The following CLASP2 variants were observed in gnomAD, a reference collection of about 807,000 sequenced individuals.
The protein encoded by CLASP2 is cytoplasmic linker associated protein 2, also known as CLIP-associating protein 2.
In CLASP2, 47 loss-of-function variants were observed where a neutral mutation model predicts 194.4. The observed-to-expected ratio is 0.24, with a 90% CI of 0.19 to 0.31. The LOEUF (loss-of-function observed/expected upper bound fraction) is 0.31. Ranked by LOEUF, CLASP2 falls within the 10% of genes least tolerant of loss-of-function variation. The pLI, the probability that CLASP2 is intolerant of heterozygous loss-of-function variation, is 1.00. For missense variants in CLASP2, 1,445 were observed against 1,823.6 expected, an observed-to-expected ratio of 0.79 and a Z score of 3.78; for synonymous variants, 619 against 633.5, an observed-to-expected ratio of 0.98 and a Z score of 0.34.
At chr3:33,712,371 T>G (rs1055223419) in intron 1 of CLASP2, among the ~76,000 whole-genome samples, 1 of 151,760 alleles carries the variant, frequency 6.6e-6, no homozygotes, top group African/African-American at 2.4e-5. Context: ...TGGGAGAGGG[T>G]TGAGGGATAA....
At chr3:33,645,929 TACACACACACACACACACACAC>T (rs60196645) in intron 7 of CLASP2, among the ~76,000 whole-genome samples, 6 of 135,202 alleles carry the variant, frequency 4.4e-5, no homozygotes, top group South Asian at 2.6e-4. Context: ...TCTCCCAGCA[TACACACACACACACACACACAC>T]ACACACACAC....
chr3:33,680,462 C>T (rs141430649), intron 6 of CLASP2, among the ~76,000 whole-genome samples: 85 of 152,274 alleles, frequency 5.6e-4, no homozygotes, highest in Admixed American at 1.1e-3. Context: ...ACAGAGTATA[C>T]AGGAAATCTC....
chr3:33,562,779 C>T (rs1576471635), intron 27 of CLASP2, among the ~76,000 whole-genome samples: 1 of 152,146 alleles, frequency 6.6e-6, no homozygotes, highest in African/African-American at 2.4e-5. Flanking sequence ...AGGTCAACCT[C>T]CTATTTTATG....
At chr3:33,673,878 A>T (rs1465920787) in intron 6 of CLASP2, among the ~76,000 whole-genome samples, 2 of 152,202 alleles carry the variant, frequency 1.3e-5, no homozygotes, top group Non-Finnish European at 2.9e-5. Context: ...GGATCAATTC[A>T]ACAAGAAGAG....
At chr3:33,671,956 G>C (rs1489784320) in intron 6 of CLASP2, among the ~76,000 whole-genome samples, 1 of 152,158 alleles carries the variant, frequency 6.6e-6, no homozygotes, top group African/African-American at 2.4e-5. Context: ...CAACTGGGTG[G>C]AGCCCACCAC....
intron 7 of CLASP2, among the ~76,000 whole-genome samples, chr3:33,662,151 C>G (rs2085408336): frequency 6.6e-6 from 1 of 152,242 alleles, no homozygotes; most frequent in Middle Eastern, 3.4e-3. Context: ...AACAAAAAAG[C>G]TCTATTTTGA....
intron 6 of CLASP2, among the ~76,000 whole-genome samples, chr3:33,679,221 T>G (rs1369714029): frequency 1.3e-5 from 2 of 152,166 alleles, no homozygotes; most frequent in African/African-American, 4.8e-5. Context: ...ACCTACATCC[T>G]TCCCAAAAAT....
intron 1 of CLASP2, among the ~76,000 whole-genome samples, chr3:33,708,513 T>C (rs1418320411): frequency 1.7e-5 from 2 of 119,484 alleles, no homozygotes; most frequent in African/African-American, 7.3e-5. Flanking sequence ...TATGTATATA[T>C]ATGTATATAT....
chr3:33,674,374 G>A (rs1342301544), intron 6 of CLASP2, among the ~76,000 whole-genome samples: 1 of 151,682 alleles, frequency 6.6e-6, no homozygotes, highest in African/African-American at 2.4e-5. Context: ...AGGCAGAAAT[G>A]AAGATGTTCT....
At chr3:33,602,727 T>C (rs1016821917) in intron 18 of CLASP2, 5 of 679,462 alleles carry the variant, frequency 7.4e-6, no homozygotes, top group Non-Finnish European at 1.1e-5. Context: ...CAATCATGGA[T>C]TCAAGAATTG....
chr3:33,668,395 G>A (rs549935718), intron 6 of CLASP2, among the ~76,000 whole-genome samples: 1 of 152,314 alleles, frequency 6.6e-6, no homozygotes, highest in East Asian at 1.9e-4. Context: ...AAAGGGAGCA[G>A]TATTTGAGAA....
At chr3:33,717,534 C>G (rs2093353725) in intron 1 of CLASP2, among the ~76,000 whole-genome samples, 2 of 152,114 alleles carry the variant, frequency 1.3e-5, no homozygotes. Flanking sequence ...TCAAGCGATT[C>G]TCCTGCCTCA....
intron 8 of CLASP2, among the ~76,000 whole-genome samples, chr3:33,636,875 A>G (rs2080243758): frequency 6.6e-6 from 1 of 152,236 alleles, no homozygotes; most frequent in Non-Finnish European, 1.5e-5. Context: ...TGCTGGGATT[A>G]CAGGTGTGAG....
At chr3:33,658,156 G>A (rs1427088114) in intron 7 of CLASP2, among the ~76,000 whole-genome samples, 1 of 152,118 alleles carries the variant, frequency 6.6e-6, no homozygotes, top group Non-Finnish European at 1.5e-5. Flanking sequence ...ACACACATTT[G>A]GGACCCTAGA....
chr3:33,598,889 G>C (rs2071234461), intron 18 of CLASP2, among the ~76,000 whole-genome samples: 1 of 152,056 alleles, frequency 6.6e-6, no homozygotes. Context: ...CTACCACCAA[G>C]TTTCCTCTTC....
At chr3:33,572,243 G>A (rs1177787795) in intron 25 of CLASP2, among the ~76,000 whole-genome samples, 1 of 152,066 alleles carries the variant, frequency 6.6e-6, no homozygotes, top group Non-Finnish European at 1.5e-5. Flanking sequence ...ACAATGGCAC[G>A]CTGAATCTAA....
intron 1 of CLASP2, among the ~76,000 whole-genome samples, chr3:33,715,850 A>G (rs1451168164): frequency 6.9e-5 from 7 of 101,962 alleles, no homozygotes; most frequent in Non-Finnish European, 6.4e-5. Flanking sequence ...TCTTAAGTAA[A>G]AAAAAAAAAA....
intron 25 of CLASP2, among the ~76,000 whole-genome samples, chr3:33,571,812 A>G (rs2063839542): frequency 6.6e-6 from 1 of 152,196 alleles, no homozygotes; most frequent in Non-Finnish European, 1.5e-5. Context: ...CTTTAAAAAC[A>G]GAAACAACAA....
intron 27 of CLASP2, among the ~76,000 whole-genome samples, chr3:33,564,716 G>A (rs939906703): frequency 6.6e-6 from 1 of 151,974 alleles, no homozygotes; most frequent in Non-Finnish European, 1.5e-5. Flanking sequence ...TCAGCCTCCT[G>A]AGTAGGTAGG....
Sources: allele counts gnomAD v4.1 joint callset (sites outside exome capture counted in the v4.1 genomes callset), GRCh38; gene constraint gnomAD v4.1.1; transcripts MANE v1.5; gene names NCBI Gene and HGNC (gene_info 2026-07-23, HGNC 2026-07-21).